Variants in COL1A1 observed in about 807,000 individuals in gnomAD.
COL1A1 encodes collagen type I alpha 1 chain.
Under a neutral mutation model 195.7 loss-of-function variants are expected in COL1A1, and 21 were observed. The ratio of observed to expected loss-of-function variants is 0.11; its 90% CI spans 0.08 to 0.15. The LOEUF (loss-of-function observed/expected upper bound fraction) is 0.15, where lower values mean the gene tolerates loss of function less well. Among genes scored for constraint, COL1A1 ranks in the 10% least tolerant of loss-of-function variants. The pLI is 1.00. For missense variants in COL1A1, 1,365 were observed against 2,051.0 expected (o/e 0.67, Z 6.46); for synonymous variants, 749 against 747.3 (o/e 1.00, Z -0.04).
rs56302025 is a variant in COL1A1, at chr17:50,185,257, C to CTTTTTTTTTTTTT, written c.*232_*244dup. On this transcript the variant is annotated 3_prime_UTR_variant, in exon 51 of 51. Coordinates refer to ENST00000225964, the MANE Select transcript of COL1A1 (RefSeq NM_000088.4). ...TTTTTTAAAAAGTTATTTATTTATT[C>CTTTTTTTTTTTTT]TTTTTTTTTTTTTTTTTTTGGTAAG... 4.2e-5 allele frequency: 8 copies of CTTTTTTTTTTTTT among 192,544 alleles called. No individual in the cohort carries two copies. Among genetic ancestry groups the CTTTTTTTTTTTTT allele is most frequent in the East Asian group, 8.4e-5 (1 of 11,866 alleles). 11.9% of individuals were successfully genotyped at this position (192,544 alleles called of 1,614,324 possible). A position where few individuals can be genotyped will look rare whatever the true frequency, so the allele number is the denominator to read the frequency against.
In COL1A1 at chr17:50,194,015, G is replaced by A. The variant is rs761635519; in HGVS notation, c.1695C>T (p.Pro565=). ...GGGCACCAGGTGGGCCTGGGGGTCC[G>A]GGGCGACCATCTTGACCGGCGGGAC... ...PPGPAGQDGR[P]GPPGPPGARG... is the part of the protein sequence containing the mutation. The change falls in exon 25 of 51, where the codon CCC becomes CCT. Residue 565 remains proline (P), a synonymous_variant. Coordinates refer to ENST00000225964, the MANE Select transcript of COL1A1 (RefSeq NM_000088.4). The surrounding 1 kb of genome is among the most constrained non-coding windows in gnomAD (Gnocchi z 6.8). The A allele has an allele frequency of 2.6e-5, 42 of 1,613,912 alleles. 1 individual carries two copies. In the South Asian group the frequency reaches 3.0e-4, roughly 11 times the overall value.
Position 50,194,969 on chromosome 17 carries a change from C to T in COL1A1, c.1353+78G>A, listed in dbSNP as rs529255736. 49 of 1,528,518 alleles carry T rather than the reference C, an allele frequency of 3.2e-5. No individual in the cohort carries two copies. The African/African-American group carries it at 5.1e-4, about 16-fold the overall frequency. The allele number at this position is 1,528,518 out of a possible 1,614,324, so 94.7% of individuals were successfully genotyped here. A position where few individuals can be genotyped will look rare whatever the true frequency, so the allele number is the denominator to read the frequency against. ...CTCCCCCAGAAGACTAGGGGCTCCTCTTCCTTTCTGGATTTCCCTCAGGGG... is the reference window on the plus strand; with the variant it reads ...CTCCCCCAGAAGACTAGGGGCTCCTTTTCCTTTCTGGATTTCCCTCAGGGG... On this transcript the variant is annotated intron_variant, in intron 20 of 50. Coordinates refer to ENST00000225964, the MANE Select transcript of COL1A1 (RefSeq NM_000088.4). This position sits in a 1 kb window ranked among gnomAD's most constrained non-coding sequence, Gnocchi z 6.8.
In COL1A1 at chr17:50,185,774, T is replaced by C. The variant is rs779679661; in HGVS notation, c.4248+4A>G. 2.5e-6 allele frequency: 4 copies of C among 1,613,254 alleles called. No individual in the cohort carries two copies. The highest frequency in any genetic ancestry group is 3.4e-6 in the Non-Finnish European group (4 of 1,179,946). Reference sequence around the variant, plus strand: ...GGCCCTGCCTGGGGATTCTGGGCACTCACCGTGCAGCCATCGACAGTGACG... The same window carrying C: ...GGCCCTGCCTGGGGATTCTGGGCACCCACCGTGCAGCCATCGACAGTGACG... On this transcript the variant is annotated splice_donor_region_variant and intron_variant, in intron 50 of 50. Coordinates refer to ENST00000225964, the MANE Select transcript of COL1A1 (RefSeq NM_000088.4).
Position 50,193,949 on chromosome 17 carries a change from A to G in COL1A1, c.1761T>C (p.Gly587=). Residue 587 remains glycine, a synonymous_variant, in exon 25 of 51, where the codon GGT becomes GGC. Coordinates refer to ENST00000225964, the MANE Select transcript of COL1A1 (RefSeq NM_000088.4). The part of the protein sequence containing the change: ...AGVMGFPGPK[G]AAGEPGKAGE... ...ATCCTCACTTAATACTCACAGCAGC[A>G]CCTTTAGGTCCAGGGAATCCCATCA... is the stretch of plus-strand genomic sequence containing the variant. 1 of 1,613,864 alleles carries G rather than the reference A, an allele frequency of 6.2e-7. No individual in the cohort carries two copies. The highest frequency in any genetic ancestry group is 8.5e-7 in the Non-Finnish European group (1 of 1,179,880).
At chr17:50,198,654 T>C in intron 5 of COL1A1, 150 bp from the exon 6 acceptor site, 1 of 700,980 alleles carries the variant, frequency 1.4e-6, no homozygotes, top group Non-Finnish European at 2.6e-6. Context: ...CAAAGATGCA[T>C]CCCTGCATCT....
rs2075559 is a variant in COL1A1, at chr17:50,189,930, G to T, written c.2560-18C>A. On this transcript the variant is annotated intron_variant, in intron 36 of 50. Coordinates refer to ENST00000225964, the MANE Select transcript of COL1A1 (RefSeq NM_000088.4). This position sits in a 1 kb window ranked among gnomAD's most constrained non-coding sequence, Gnocchi z 5.5. ...ACATTACCCTGTAGGAGAGCACAGAGGCATCAAGCCTGGACCCGTCCTGGG... is the reference window on the plus strand; with the variant it reads ...ACATTACCCTGTAGGAGAGCACAGATGCATCAAGCCTGGACCCGTCCTGGG... The T allele has an allele frequency of 8.7e-6, 14 of 1,612,462 alleles. No individual in the cohort carries two copies. Among genetic ancestry groups the T allele is most frequent in the African/African-American group, 4.0e-5 (3 of 74,790 alleles).
chr17:50,190,224 A>AC lies in COL1A1; in HGVS notation c.2451+102dup, dbSNP rs1311228915. 14 of 1,244,896 alleles carry AC rather than the reference A, an allele frequency of 1.1e-5. No homozygotes were observed. The South Asian group carries it at 1.6e-4, about 14-fold the overall frequency. 77.1% of individuals were successfully genotyped at this position (1,244,896 alleles called of 1,614,324 possible). A position where few individuals can be genotyped will look rare whatever the true frequency, so the allele number is the denominator to read the frequency against. ...TTGGGTGGGAAACAATCCCGTCTCC[A>AC]CCCTTCTCCCCTGAGGATGGCTGAC... On this transcript the variant is annotated intron_variant, in intron 35 of 50. Coordinates refer to ENST00000225964, the MANE Select transcript of COL1A1 (RefSeq NM_000088.4). The surrounding 1 kb of genome is among the most constrained non-coding windows in gnomAD (Gnocchi z 4.7).
intron 1 of COL1A1, 29 bp from the exon 2 acceptor site, chr17:50,199,976 A>C (rs1047613927): frequency 1.2e-6 from 2 of 1,611,108 alleles, no homozygotes; most frequent in Non-Finnish European, 1.7e-6. Flanking sequence ...GGGCGTTGTC[A>C]GTAGTGACTG....
chr17:50,192,124 G>A, intron 29 of COL1A1, 100 bp from the exon 30 acceptor site: 1 of 1,258,368 alleles, frequency 7.9e-7, no homozygotes, highest in South Asian at 1.3e-5. Context: ...GCCGTGATTA[G>A]AGAGGAACCC....
Position 50,184,666 on chromosome 17 carries a change from G to GC in COL1A1, c.*835dup, listed in dbSNP as rs1429069771. 8.2e-6 allele frequency: 1 copy of GC among 121,228 alleles called. No homozygotes were observed. The highest frequency in any genetic ancestry group is 2.4e-4 in the East Asian group (1 of 4,186). The allele number at this position is 121,228 out of a possible 1,614,324, so 7.5% of individuals were successfully genotyped here. A position where few individuals can be genotyped will look rare whatever the true frequency, so the allele number is the denominator to read the frequency against. On this transcript the variant is annotated 3_prime_UTR_variant, in exon 51 of 51. Transcript: ENST00000225964. ...CCGCTTCCACCCTGCCCCCATCCCC[G>GC]CCCCCAGGCAGTTGCCCCGGTGACA...
chr17:50,187,224 G>T, intron 46 of COL1A1, 102 bp from the exon 47 acceptor site: 1 of 1,023,116 alleles, frequency 9.8e-7, no homozygotes, highest in Non-Finnish European at 1.5e-6. Context: ...TGGCCCCACG[G>T]CTCATAGAGC....
chr17:50,200,837 C>T (rs909155350), intron 1 of COL1A1, among the ~76,000 whole-genome samples: 3 of 152,190 alleles, frequency 2.0e-5, no homozygotes, highest in African/African-American at 7.2e-5. Context: ...CGGCTCCTGC[C>T]CCAGTAAGCG....
Position 50,196,980 on chromosome 17 carries a change from G to C in COL1A1, c.804+30C>G, listed in dbSNP as rs369249923. 196 of 1,612,922 alleles carry C rather than the reference G, an allele frequency of 1.2e-4. No individual in the cohort carries two copies. In the African/African-American group the frequency reaches 2.4e-3, roughly 20 times the overall value. On this transcript the variant is annotated intron_variant, in intron 11 of 50. Coordinates refer to ENST00000225964, the MANE Select transcript of COL1A1 (RefSeq NM_000088.4). ...TGGATGGGGGTATGCTAGGGACTTG[G>C]GGAGCTTAAATGACTCAAAGGTGAC...
Position 50,195,606 on chromosome 17 carries a change from C to T in COL1A1, c.1116G>A (p.Glu372=), listed in dbSNP as rs2144577473. ...CACCAGCAGGGCCAGGGGGGCCAGG[C>T]TCACCACGCACACCCTGGGGACCTT... ...GSEGPQGVRG[E]PGPPGPAGAA... is the part of the protein sequence containing the mutation. The change falls in exon 17 of 51, where the codon GAG becomes GAA. Residue 372 remains glutamate (E), a synonymous_variant. Transcript: ENST00000225964. The surrounding 1 kb of genome is among the most constrained non-coding windows in gnomAD (Gnocchi z 4.3). The T allele has an allele frequency of 6.2e-7, 1 of 1,613,734 alleles. No homozygotes were observed. The highest frequency in any genetic ancestry group is 2.2e-5 in the East Asian group (1 of 44,828).
Position 50,195,104 on chromosome 17 carries a change from C to T in COL1A1, c.1300-4G>A. 1.2e-6 allele frequency: 2 copies of T among 1,613,498 alleles called. No homozygotes were observed. Among genetic ancestry groups the T allele is most frequent in the Non-Finnish European group, 1.7e-6 (2 of 1,179,746 alleles). ...TGCCAGGAGCACCAGGTTCACCCTG[C>T]AAGGGGGGAGAAGAGGATGAGCTGA... is the stretch of plus-strand genomic sequence containing the variant. On this transcript the variant is annotated splice_region_variant and splice_polypyrimidine_tract_variant and intron_variant, in intron 19 of 50. Transcript: ENST00000225964. This position sits in a 1 kb window ranked among gnomAD's most constrained non-coding sequence, Gnocchi z 4.3.
In COL1A1 at chr17:50,188,763, T is replaced by C. The variant is rs371229089; in HGVS notation, c.3078A>G (p.Arg1026=). The stretch of plus-strand genomic sequence containing the variant: ...TTACCTTGGCGCCAGGAGAACCGTC[T>C]CGTCCAGGGGAACCTTCGGCACCAG... The part of the protein sequence containing the change: ...GAPGAEGSPG[R]DGSPGAKGDR... The change falls in exon 42 of 51, where the codon CGA becomes CGG. Residue 1026 remains arginine, a synonymous_variant. Coordinates refer to ENST00000225964, the MANE Select transcript of COL1A1 (RefSeq NM_000088.4). The surrounding 1 kb of genome is among the most constrained non-coding windows in gnomAD (Gnocchi z 5.6). 27 of 1,613,774 alleles carry C rather than the reference T, an allele frequency of 1.7e-5. No homozygotes were observed. Among genetic ancestry groups the C allele is most frequent in the Non-Finnish European group, 1.9e-5 (23 of 1,179,962 alleles).
Position 50,190,500 on chromosome 17 carries a change from G to A in COL1A1, c.2397+43C>T, listed in dbSNP as rs144024364. On this transcript the variant is annotated intron_variant, in intron 34 of 50. Transcript: ENST00000225964. The surrounding 1 kb of genome is among the most constrained non-coding windows in gnomAD (Gnocchi z 4.7). Reference sequence around the variant, plus strand: ...GGCCAGGGGTGCTGTGTGAAGGGAGGGAAGGGCCAAGTATGGGGTCTTAAC... The same window carrying A: ...GGCCAGGGGTGCTGTGTGAAGGGAGAGAAGGGCCAAGTATGGGGTCTTAAC... The A allele has an allele frequency of 1.9e-4, 306 of 1,611,736 alleles. 4 individuals are homozygous for A. In the Middle Eastern group the frequency reaches 2.3e-3, roughly 12 times the overall value.
Position 50,192,820 on chromosome 17 carries a change from C to G in COL1A1, c.1852G>C (p.Ala618Pro), listed in dbSNP as rs768314156. 1 of 1,614,080 alleles carries G rather than the reference C, an allele frequency of 6.2e-7. No individual in the cohort carries two copies. Among genetic ancestry groups the G allele is most frequent in the Non-Finnish European group, 8.5e-7 (1 of 1,180,012 alleles). ...ACAGCAGGGCCAGGGGGTCCCTGAG[C>G]TCCAGCCTCTCCATCTTTGCCAGCA... is the stretch of plus-strand genomic sequence containing the variant. ...GPAGKDGEAG[A>P]QGPPGPAGPA... Residue 618 changes from alanine to proline, a missense_variant, in exon 27 of 51, where the codon GCT becomes CCT. This residue lies in a region of COL1A1 where 671 missense variants were observed against 1,099.9 expected (regional missense o/e 0.61). Transcript: ENST00000225964.
chr17:50,188,137 G>T lies in COL1A1; in HGVS notation c.3220C>A (p.Pro1074Thr). 6.4e-7 allele frequency: 1 copy of T among 1,562,914 alleles called. No homozygotes were observed. Among genetic ancestry groups the T allele is most frequent in the East Asian group, 2.4e-5 (1 of 42,056 alleles). ...CCAACAGGGCCGACAGGACCGGCGG[G>T]ACCAGCAGGACCCTGGGGAGAGCAA... ...GDRGETGPAG[P>T]AGPVGPVGAR... Residue 1074 changes from proline to threonine, a missense_variant, in exon 44 of 51, where the codon CCC becomes ACC. By Grantham distance (38) the Pro-to-Thr change is conservative (BLOSUM62 -1). This residue lies in a region of COL1A1 where 671 missense variants were observed against 1,099.9 expected (regional missense o/e 0.61). Transcript: ENST00000225964. The surrounding 1 kb of genome is among the most constrained non-coding windows in gnomAD (Gnocchi z 5.6).
Sources: gnomAD v4.1 joint callset for allele counts (sites outside exome capture counted in the v4.1 genomes callset) on GRCh38, gnomAD v4.1.1 for gene constraint, gnomAD v4.1.1 regional missense constraint, Gnocchi (gnomAD v3.1) non-coding constraint, MANE v1.5 for transcripts, NCBI Gene and HGNC (gene_info 2026-07-23, HGNC 2026-07-21) for gene names.